The following ARHGAP20 variants were observed in gnomAD, a reference collection of about 807,000 sequenced individuals.
The protein encoded by ARHGAP20 is Rho GTPase activating protein 20.
Under a neutral mutation model 73.7 loss-of-function variants are expected in ARHGAP20, and 34 were observed. That is an observed-to-expected ratio of 0.46 (90% CI 0.35 to 0.61). The LOEUF is 0.61. Among genes scored for constraint, ARHGAP20 ranks in the 20% least tolerant of loss-of-function variants. The probability of loss-of-function intolerance (pLI) is 0.00; values close to 1 mark genes in which losing one functional copy is unlikely to be tolerated. For missense variants in ARHGAP20, 1,314 were observed against 1,420.9 expected, an observed-to-expected ratio of 0.92 and a Z score of 1.21; for synonymous variants, 523 against 518.2, an observed-to-expected ratio of 1.01 and a Z score of -0.13.
At position 110,578,379 on chromosome 11, in the gene ARHGAP20, T is replaced by TAAG. The variant is rs1947342857; in HGVS notation, c.*988_*990dup. 1 of 985,310 alleles carries TAAG rather than the reference T, an allele frequency of 1.0e-6. No individual in the cohort carries two copies. The highest frequency in any genetic ancestry group is 1.2e-6 in the Non-Finnish European group (1 of 829,942). The allele number at this position is 985,310 out of a possible 1,614,324, so 61.0% of individuals were successfully genotyped here. A position where few individuals can be genotyped will look rare whatever the true frequency, so the allele number is the denominator to read the frequency against. On this transcript the variant is annotated 3_prime_UTR_variant, in exon 15 of 15. Transcript: ENST00000683387. The stretch of plus-strand genomic sequence containing the variant: ...CAAAAATCAGAAAAGGGATGATTTA[T>TAAG]AAGTATGTTTTTCTGGCTGACTGTA...
intron 4 of ARHGAP20, among the ~76,000 whole-genome samples, chr11:110,621,916 T>C (rs1341563518): frequency 1.3e-5 from 2 of 152,238 alleles, no homozygotes; most frequent in Non-Finnish European, 2.9e-5. Flanking sequence ...TAGATGAAGC[T>C]ACAAACTCTA....
chr11:110,666,235 C>T (rs1949721669), intron 2 of ARHGAP20, among the ~76,000 whole-genome samples: 1 of 152,032 alleles, frequency 6.6e-6, no homozygotes, highest in African/African-American at 2.4e-5. Flanking sequence ...GAAGAGATAC[C>T]ATGTTCATGG....
intron 2 of ARHGAP20, among the ~76,000 whole-genome samples, chr11:110,658,401 C>G (rs769323942): frequency 1.3e-5 from 2 of 152,074 alleles, no homozygotes; most frequent in Non-Finnish European, 2.9e-5. Context: ...CCCTGTGGCT[C>G]GAGAATAATT....
chr11:110,601,951 A>G (rs1276441225), intron 9 of ARHGAP20, among the ~76,000 whole-genome samples: 3 of 151,664 alleles, frequency 2.0e-5, no homozygotes, highest in Non-Finnish European at 4.4e-5. Flanking sequence ...ATTGTACTCC[A>G]GCCTGGGCGA....
chr11:110,677,826 T>A (rs1199770035), intron 2 of ARHGAP20, among the ~76,000 whole-genome samples: 1 of 152,062 alleles, frequency 6.6e-6, no homozygotes, highest in African/African-American at 2.4e-5. Flanking sequence ...AGTTTGATGG[T>A]TCCTCAAAAG....
chr11:110,654,158 C>A (rs1949417538), intron 2 of ARHGAP20, among the ~76,000 whole-genome samples: 1 of 152,030 alleles, frequency 6.6e-6, no homozygotes, highest in African/African-American at 2.4e-5. Context: ...ACACATTTAC[C>A]TATGTAACAA....
In ARHGAP20 at chr11:110,614,592, A is replaced by G; in HGVS notation, c.599T>C (p.Ile200Thr). Residue 200 changes from isoleucine to threonine, a missense_variant, in exon 6 of 15, where the codon ATC becomes ACC. Transcript: ENST00000683387. ...ACAATTCCCAATGTCCTTGGCGAAG[A>G]TTTTGAGGGGAATGCTCTTCGGGTA... is the stretch of plus-strand genomic sequence containing the variant. ...KDYPKSIPLK[I>T]FAKDIGNCAY... is the part of the protein sequence containing the mutation. 6.2e-7 allele frequency: 1 copy of G among 1,613,206 alleles called. No individual in the cohort carries two copies. The highest frequency in any genetic ancestry group is 8.5e-7 in the Non-Finnish European group (1 of 1,179,656).
intron 2 of ARHGAP20, among the ~76,000 whole-genome samples, chr11:110,650,756 G>T (rs1949332389): frequency 6.6e-6 from 1 of 152,106 alleles, no homozygotes; most frequent in Admixed American, 6.6e-5. Context: ...GTGAGAAAAA[G>T]TTAAAAGCTG....
chr11:110,621,003 G>A (rs188253020), intron 4 of ARHGAP20, among the ~76,000 whole-genome samples: 5 of 149,458 alleles, frequency 3.3e-5, no homozygotes, highest in African/African-American at 1.2e-4. Flanking sequence ...GAAGCCGGGA[G>A]GCAGAGGTTG....
chr11:110,614,599 G>A lies in ARHGAP20; in HGVS notation c.592C>T (p.Leu198Phe), dbSNP rs976261501. 1.2e-6 allele frequency: 2 copies of A among 1,612,984 alleles called. No individual in the cohort carries two copies. Among genetic ancestry groups the A allele is most frequent in the Non-Finnish European group, 1.7e-6 (2 of 1,179,604 alleles). Reference sequence around the variant, plus strand: ...CCAATGTCCTTGGCGAAGATTTTGAGGGGAATGCTCTTCGGGTAGTCCTTT... The same window carrying A: ...CCAATGTCCTTGGCGAAGATTTTGAAGGGAATGCTCTTCGGGTAGTCCTTT... The part of the protein sequence containing the change: ...KEKDYPKSIP[L>F]KIFAKDIGNC... Residue 198 changes from leucine (L) to phenylalanine (F), a missense_variant, in exon 6 of 15, where the codon CTC becomes TTC. Physicochemically the swap from Leu to Phe is conservative, Grantham distance 22. Transcript: ENST00000683387.
At chr11:110,709,529 G>C (rs1016104889) in intron 1 of ARHGAP20, among the ~76,000 whole-genome samples, 5 of 152,198 alleles carry the variant, frequency 3.3e-5, no homozygotes, top group Admixed American at 6.5e-5. Context: ...GAATGACTGA[G>C]GAGCACTTCC....
At chr11:110,681,943 A>G (rs1312518861) in intron 2 of ARHGAP20, among the ~76,000 whole-genome samples, 2 of 152,152 alleles carry the variant, frequency 1.3e-5, no homozygotes, top group Non-Finnish European at 2.9e-5. Context: ...TGACTGAGCA[A>G]AGCAGGTCAA....
At chr11:110,690,797 T>TA (rs146854240) in intron 1 of ARHGAP20, among the ~76,000 whole-genome samples, 168 bp from the exon 2 acceptor site, 146 of 147,426 alleles carry the variant, frequency 9.9e-4, no homozygotes, top group African/African-American at 2.9e-3. Context: ...ATAGGATAGT[T>TA]AAAAAAAAAA....
chr11:110,664,738 A>C (rs1949688412), intron 2 of ARHGAP20, among the ~76,000 whole-genome samples: 1 of 150,950 alleles, frequency 6.6e-6, no homozygotes, highest in African/African-American at 2.4e-5. Context: ...AAAAAAAAAA[A>C]AAAAAAAGAA....
intron 6 of ARHGAP20, among the ~76,000 whole-genome samples, chr11:110,613,321 C>G (rs140279463): frequency 6.6e-6 from 1 of 152,132 alleles, no homozygotes; most frequent in African/African-American, 2.4e-5. Flanking sequence ...AGAATGCTTC[C>G]CACACATGCA....
chr11:110,659,696 C>T (rs1235967959), intron 2 of ARHGAP20, among the ~76,000 whole-genome samples: 4 of 152,046 alleles, frequency 2.6e-5, no homozygotes, highest in Non-Finnish European at 4.4e-5. Flanking sequence ...AAATGTGGCA[C>T]ATATACACCA....
chr11:110,656,684 A>G (rs1003001354), intron 2 of ARHGAP20, among the ~76,000 whole-genome samples: 1 of 152,220 alleles, frequency 6.6e-6, no homozygotes, highest in African/African-American at 2.4e-5. Flanking sequence ...CCAGTGCTTC[A>G]GGTGTCTTGC....
chr11:110,666,597 C>T (rs919999726), intron 2 of ARHGAP20, among the ~76,000 whole-genome samples: 22 of 152,164 alleles, frequency 1.4e-4, no homozygotes, highest in Non-Finnish European at 1.3e-4. Flanking sequence ...GCAGATATTA[C>T]ATTTTTTACA....
chr11:110,696,724 C>A (rs1950343194), intron 1 of ARHGAP20, among the ~76,000 whole-genome samples: 2 of 151,572 alleles, frequency 1.3e-5, no homozygotes, highest in Non-Finnish European at 3.0e-5. Flanking sequence ...GCCACCTTAC[C>A]ACCCACCTCC....
Sources: allele counts gnomAD v4.1 joint callset (sites outside exome capture counted in the v4.1 genomes callset), GRCh38; gene constraint gnomAD v4.1.1; transcripts MANE v1.5; gene names NCBI Gene and HGNC (gene_info 2026-07-23, HGNC 2026-07-21).